The following HNF1B variants were observed in gnomAD, a reference collection of about 807,000 sequenced individuals.
HNF1B encodes hepatocyte nuclear factor 1-beta.
Under a neutral mutation model 61.7 loss-of-function variants are expected in HNF1B, and 8 were observed. The ratio of observed to expected loss-of-function variants is 0.13; its 90% confidence interval spans 0.08 to 0.23. The LOEUF (loss-of-function observed/expected upper bound fraction) is 0.23. HNF1B is among the 10% of genes least tolerant of loss of function. The pLI is 1.00. For missense variants in HNF1B, 562 were observed against 714.5 expected (o/e 0.79, Z 2.43); for synonymous variants, 314 against 287.7 (o/e 1.09, Z -0.93).
intron 6 of HNF1B, among the ~76,000 whole-genome samples, chr17:37,702,470 A>T (rs1411708586): frequency 2.0e-5 from 3 of 152,114 alleles, no homozygotes; most frequent in Non-Finnish European, 4.4e-5. Flanking sequence ...CCAGTTCCCC[A>T]GGGGGCTCAG....
chr17:37,717,976 C>T (rs755115932), intron 4 of HNF1B, among the ~76,000 whole-genome samples: 2 of 152,062 alleles, frequency 1.3e-5, no homozygotes. Flanking sequence ...ATTCCGGATC[C>T]CTTTCTACCT....
At chr17:37,729,455 AAGAC>A (rs1194071577) in intron 4 of HNF1B, 1 of 151,748 alleles carries the variant, frequency 6.6e-6, no homozygotes, top group Admixed American at 6.6e-5. Flanking sequence ...AAAAAAAAAA[AAGAC>A]AGAAGAAAGG....
chr17:37,710,143 A>G (rs2032881726), intron 5 of HNF1B, among the ~76,000 whole-genome samples: 1 of 152,102 alleles, frequency 6.6e-6, no homozygotes, highest in Non-Finnish European at 1.5e-5. Flanking sequence ...TCTAAGTTAA[A>G]AAATTGGCTT....
At chr17:37,709,777 T>A (rs372398827) in intron 5 of HNF1B, among the ~76,000 whole-genome samples, 1 of 152,204 alleles carries the variant, frequency 6.6e-6, no homozygotes, top group African/African-American at 2.4e-5. Flanking sequence ...ATCACGCTCA[T>A]GCCCCCACCA....
At chr17:37,688,666 C>G (rs2032075089) in intron 8 of HNF1B, among the ~76,000 whole-genome samples, 1 of 152,206 alleles carries the variant, frequency 6.6e-6, no homozygotes, top group African/African-American at 2.4e-5. Flanking sequence ...GAGCCTTCTA[C>G]TAAGCTTTGT....
chr17:37,704,233 G>C (rs1202173038), intron 6 of HNF1B, among the ~76,000 whole-genome samples: 3 of 152,230 alleles, frequency 2.0e-5, no homozygotes, highest in African/African-American at 7.2e-5. Flanking sequence ...GAGGGCACAG[G>C]CTTGCTGTTG....
At chr17:37,704,882 T>C in intron 6 of HNF1B, 35 bp downstream of exon 6, 1 of 1,612,804 alleles carries the variant, frequency 6.2e-7, no homozygotes, top group Non-Finnish European at 8.5e-7. Context: ...TTCTTCTCCC[T>C]GCCCCCAAGT....
intron 3 of HNF1B, 150 bp downstream of exon 3, chr17:37,733,407 A>AT (rs775756765): frequency 6.5e-5 from 57 of 875,704 alleles, no homozygotes; most frequent in Non-Finnish European, 9.9e-5. Flanking sequence ...TAATGAATTG[A>AT]TATTGGGGTT....
At chr17:37,730,725 T>TG (rs1239615329) in intron 4 of HNF1B, 1 of 152,284 alleles carries the variant, frequency 6.6e-6, no homozygotes, top group African/African-American at 2.4e-5. Flanking sequence ...GCCCTTTTCT[T>TG]GGAGCAGGCA....
chr17:37,698,550 C>T (rs1156888164), intron 8 of HNF1B, among the ~76,000 whole-genome samples: 1 of 152,196 alleles, frequency 6.6e-6, no homozygotes, highest in East Asian at 1.9e-4. Flanking sequence ...GCCAGGCTGT[C>T]TACTGGGGAG....
In HNF1B at chr17:37,744,480, A is replaced by C. The variant is rs1055916617; in HGVS notation, c.344+61T>G. 2.1e-5 allele frequency: 32 copies of C among 1,555,564 alleles called. No individual in the cohort carries two copies. The African/African-American group carries it at 3.9e-4, about 19-fold the overall frequency. On this transcript the variant is annotated intron_variant, in intron 1 of 8. Transcript: ENST00000617811. Reference sequence around the variant, plus strand: ...AGTGTGGTCGGGCGCAGTGTCACTCAGGCCCGGGGCCGGGGCTCCAGGGGT... The same window carrying C: ...AGTGTGGTCGGGCGCAGTGTCACTCCGGCCCGGGGCCGGGGCTCCAGGGGT...
intron 3 of HNF1B, among the ~76,000 whole-genome samples, chr17:37,732,549 C>G (rs1274043190): frequency 6.6e-6 from 1 of 152,198 alleles, no homozygotes; most frequent in African/African-American, 2.4e-5. Flanking sequence ...GCCAGCCCAG[C>G]CCAGAGACAG....
At chr17:37,704,774 G>A (rs1396244811) in intron 6 of HNF1B, 143 bp downstream of exon 6, 1 of 921,714 alleles carries the variant, frequency 1.1e-6, no homozygotes, top group African/African-American at 1.6e-5. Flanking sequence ...TAAGGAGACA[G>A]ATGAGAAACT....
At chr17:37,710,881 T>G (rs2032913273) in intron 4 of HNF1B, among the ~76,000 whole-genome samples, 1 of 152,242 alleles carries the variant, frequency 6.6e-6, no homozygotes. Context: ...GGCAGGAAAT[T>G]TTTATCTCGT....
At chr17:37,727,276 A>G (rs944038975) in intron 4 of HNF1B, among the ~76,000 whole-genome samples, 9 of 152,260 alleles carry the variant, frequency 5.9e-5, no homozygotes, top group Admixed American at 2.0e-4. Flanking sequence ...ATGGGCTGTC[A>G]TGGAGCCTAT....
chr17:37,733,738 T>G lies in HNF1B; in HGVS notation c.628A>C (p.Ser210Arg). 4 of 1,614,228 alleles carry G rather than the reference T, an allele frequency of 2.5e-6. No individual in the cohort carries two copies. The highest frequency in any genetic ancestry group is 3.4e-6 in the Non-Finnish European group (4 of 1,180,040). Residue 210 changes from serine to arginine, a missense_variant, in exon 3 of 9, where the codon AGT (serine) becomes CGT (arginine). By Grantham distance (110) the Ser-to-Arg change is moderately radical. This residue lies in a region of HNF1B where 69 missense variants were observed against 81.2 expected (regional missense o/e 0.85). Transcript: ENST00000617811. ...DQLLFLFPEF[S>R]QQSHGPGQSD... ...TGCCCAGGCCCATGGCTCTGTTGAC[T>G]GAACTCTGGAAAGAGAAACAGCAGC...
chr17:37,733,874 A>T, intron 2 of HNF1B, 53 bp from the exon 3 acceptor site: 1 of 614,876 alleles, frequency 1.6e-6, no homozygotes, highest in Non-Finnish European at 2.3e-6. Context: ...CACTCAGCAG[A>T]CAGACAGACA....
intron 4 of HNF1B, among the ~76,000 whole-genome samples, chr17:37,715,344 C>G (rs540111452): frequency 6.6e-6 from 1 of 152,286 alleles, no homozygotes; most frequent in Admixed American, 6.5e-5. Flanking sequence ...GCTTTGAGCA[C>G]CCATGCCCCA....
intron 2 of HNF1B, among the ~76,000 whole-genome samples, chr17:37,735,210 CT>C (rs1390942055): frequency 6.6e-6 from 1 of 152,158 alleles, no homozygotes; most frequent in Non-Finnish European, 1.5e-5. Context: ...CTTCCTGTTC[CT>C]TTGGACAACT....
Sources: gnomAD v4.1 joint callset for allele counts (sites outside exome capture counted in the v4.1 genomes callset) on GRCh38, gnomAD v4.1.1 for gene constraint, gnomAD v4.1.1 regional missense constraint, MANE v1.5 for transcripts, NCBI Gene and HGNC (gene_info 2026-07-23, HGNC 2026-07-21) for gene names.